COG5: variants seen among roughly 807,000 people sequenced by gnomAD.
COG5 encodes conserved oligomeric Golgi complex subunit 5.
Under a neutral mutation model 110.4 loss-of-function variants are expected in COG5, and 86 were observed. The observed-to-expected ratio is 0.78, with a 90% CI of 0.65 to 0.93. The LOEUF (loss-of-function observed/expected upper bound fraction) is 0.93, where lower values mean the gene tolerates loss of function less well. COG5 is among the 40% of genes least tolerant of loss of function. The pLI, the probability that COG5 is intolerant of heterozygous loss-of-function variation, is 0.00. For synonymous variants in COG5, 360 were observed against 334.6 expected (o/e 1.08, Z -0.83); for missense variants, 1,077 against 987.0 (o/e 1.09, Z -1.22).
At chr7:107,315,993 C>A (rs769579964) in intron 11 of COG5, among the ~76,000 whole-genome samples, 1 of 152,052 alleles carries the variant, frequency 6.6e-6, no homozygotes, top group East Asian at 1.9e-4. Flanking sequence ...TGAAAACATA[C>A]GCTGGCAATT....
intron 6 of COG5, among the ~76,000 whole-genome samples, chr7:107,417,361 T>C (rs1267695880): frequency 1.3e-5 from 2 of 152,206 alleles, no homozygotes; most frequent in East Asian, 3.8e-4. Context: ...TCTTCTTTAT[T>C]AACTTAATGT....
chr7:107,421,141 G>T (rs909888619), intron 6 of COG5, among the ~76,000 whole-genome samples: 2 of 152,054 alleles, frequency 1.3e-5, no homozygotes, highest in African/African-American at 4.8e-5. Context: ...CTTTCTAACT[G>T]TGATACTGTT....
At chr7:107,214,445 C>T (rs1207381252) in intron 19 of COG5, among the ~76,000 whole-genome samples, 1 of 152,110 alleles carries the variant, frequency 6.6e-6, no homozygotes, top group Non-Finnish European at 1.5e-5. Flanking sequence ...AGTAGGCCTG[C>T]CTATTGAAAT....
At chr7:107,229,462 C>G (rs535091253) in intron 19 of COG5, among the ~76,000 whole-genome samples, 2 of 152,040 alleles carry the variant, frequency 1.3e-5, no homozygotes, top group African/African-American at 4.8e-5. Flanking sequence ...AACAAAATAT[C>G]TTCTTCTGTT....
At chr7:107,253,167 C>T (rs1182222177) in intron 16 of COG5, 1 of 152,068 alleles carries the variant, frequency 6.6e-6, no homozygotes, top group African/African-American at 2.4e-5. Context: ...TGGTGGTTTA[C>T]ATAGAAAACT....
At chr7:107,367,543 G>T (rs1813739829) in intron 8 of COG5, among the ~76,000 whole-genome samples, 1 of 150,948 alleles carries the variant, frequency 6.6e-6, no homozygotes, top group Non-Finnish European at 1.5e-5. Context: ...ACAATGAGTG[G>T]GTAAAGAAAC....
intron 10 of COG5, among the ~76,000 whole-genome samples, chr7:107,344,239 G>C (rs6949634): frequency 1.0e-3 from 158 of 152,162 alleles, no homozygotes; most frequent in Non-Finnish European, 1.8e-3. Flanking sequence ...ATTTTAGCTA[G>C]ATCTTCTCAA....
At chr7:107,258,425 TTCTCTC>T (rs71134258) in intron 14 of COG5, 42 bp from the exon 15 acceptor site, 126 of 885,372 alleles carry the variant, frequency 1.4e-4, no homozygotes, top group Middle Eastern at 9.1e-4. Flanking sequence ...AGAATGATAA[TTCTCTC>T]TCTCTCTCTC....
At chr7:107,279,935 T>C (rs1805033373) in intron 14 of COG5, among the ~76,000 whole-genome samples, 1 of 152,168 alleles carries the variant, frequency 6.6e-6, no homozygotes, top group Admixed American at 6.5e-5. Context: ...GCCATTACTA[T>C]GTTAACTGAA....
At chr7:107,328,023 T>C (rs916322109) in intron 10 of COG5, among the ~76,000 whole-genome samples, 1 of 152,176 alleles carries the variant, frequency 6.6e-6, no homozygotes, top group Non-Finnish European at 1.5e-5. Context: ...AGCCAAGAGA[T>C]GATAACAACC....
chr7:107,503,639 G>T (rs115004395), intron 6 of COG5, among the ~76,000 whole-genome samples: 1,787 of 152,280 alleles, frequency 0.012, 31 homozygotes, highest in African/African-American at 0.041. Context: ...ATGAACACAA[G>T]ATGTGTTTCC....
rs1260045632 is a variant in COG5, at chr7:107,288,905, GAGATATATATATATATATATAT to G, written c.1314-5195_1314-5174del. ...AGATTTGCCCCTATGTTTTCTAACAGAGATATATATATATATATATATATATATATATATATATATATATATA... is the reference window on the plus strand; with the variant it reads ...AGATTTGCCCCTATGTTTTCTAACAGATATATATATATATATATATATATA... On this transcript the variant is annotated intron_variant, in intron 12 of 21. Coordinates refer to ENST00000297135, the MANE Select transcript of COG5 (RefSeq NM_006348.5). 4.2e-3 allele frequency among the ~76,000 whole-genome samples: 282 copies of G among 67,292 alleles called. 2 individuals carry two copies. Among genetic ancestry groups the G allele is most frequent in the African/African-American group, 0.012 (248 of 20,922 alleles). 44.1% of individuals were successfully genotyped at this position (67,292 alleles called of 152,430 possible). A position where few individuals can be genotyped will look rare whatever the true frequency, so the allele number is the denominator to read the frequency against.
intron 10 of COG5, among the ~76,000 whole-genome samples, chr7:107,358,133 T>C (rs1198647316): frequency 6.6e-6 from 1 of 152,244 alleles, no homozygotes; most frequent in African/African-American, 2.4e-5. Context: ...ACTTTTGATA[T>C]TTTCCTTAGA....
At chr7:107,508,388 C>A (rs528851547) in intron 6 of COG5, among the ~76,000 whole-genome samples, 1 of 152,218 alleles carries the variant, frequency 6.6e-6, no homozygotes, top group East Asian at 1.9e-4. Context: ...CCCGAAGCTC[C>A]AACTGGGTGG....
intron 14 of COG5, among the ~76,000 whole-genome samples, chr7:107,273,944 A>C (rs1804483549): frequency 6.6e-6 from 1 of 152,210 alleles, no homozygotes; most frequent in African/African-American, 2.4e-5. Context: ...CAACATATAT[A>C]ATTTAAAAGC....
chr7:107,296,581 C>CTTTTT (rs35340234), intron 12 of COG5, among the ~76,000 whole-genome samples: 2 of 123,514 alleles, frequency 1.6e-5, no homozygotes, highest in Non-Finnish European at 1.7e-5. Flanking sequence ...CAAAACTACT[C>CTTTTT]TTTTTTTTTT....
At chr7:107,514,436 A>T (rs1799776369) in intron 6 of COG5, among the ~76,000 whole-genome samples, 1 of 152,044 alleles carries the variant, frequency 6.6e-6, no homozygotes, top group African/African-American at 2.4e-5. Context: ...ATTTTCACTT[A>T]ATTATAATAT....
chr7:107,514,918 A>G (rs2129147065), intron 6 of COG5, among the ~76,000 whole-genome samples: 1 of 152,280 alleles, frequency 6.6e-6, no homozygotes, highest in East Asian at 1.9e-4. Context: ...GGATATTATC[A>G]TCATCATCAT....
chr7:107,519,072 G>C (rs189930804), intron 6 of COG5, among the ~76,000 whole-genome samples: 1 of 152,226 alleles, frequency 6.6e-6, no homozygotes, highest in Admixed American at 6.5e-5. Context: ...CAAAATTAAA[G>C]GAAGAAATCA....
Sources: gnomAD v4.1 joint callset for allele counts (sites outside exome capture counted in the v4.1 genomes callset) on GRCh38, gnomAD v4.1.1 for gene constraint, MANE v1.5 for transcripts, NCBI Gene and HGNC (gene_info 2026-07-23, HGNC 2026-07-21) for gene names.